The following RNF111 variants were observed in gnomAD, a reference collection of about 807,000 sequenced individuals.
The protein encoded by RNF111 is ring finger protein 111.
Under a neutral mutation model 95.1 loss-of-function variants are expected in RNF111, and 17 were observed. The ratio of observed to expected loss-of-function variants is 0.18; its 90% confidence interval spans 0.12 to 0.27. RNF111 has a LOEUF of 0.27. Ranked by LOEUF, RNF111 falls within the 10% of genes least tolerant of loss-of-function variation. The pLI is 1.00. For synonymous variants in RNF111, 440 were observed against 414.8 expected (o/e 1.06, Z -0.74); for missense variants, 1,189 against 1,210.4 (o/e 0.98, Z 0.26).
At position 59,055,992 on chromosome 15, in the gene RNF111, G is replaced by C. The variant is rs2042186325; in HGVS notation, c.1171+147G>C. On this transcript the variant is annotated intron_variant, in intron 4 of 13. Transcript: ENST00000348370. ...AGATTTTTTAATCTCGTTTTTAATT[G>C]ATATCCTAGGCTTGTAAATTTACAT... 13 of 608,918 alleles carry C rather than the reference G, an allele frequency of 2.1e-5. No homozygotes were observed. The South Asian group carries it at 4.2e-4, about 20-fold the overall frequency. 37.7% of individuals were successfully genotyped at this position (608,918 alleles called of 1,614,324 possible). A position where few individuals can be genotyped will look rare whatever the true frequency, so the allele number is the denominator to read the frequency against.
chr15:59,043,435 G>A (rs1161073170), intron 2 of RNF111, among the ~76,000 whole-genome samples: 1 of 152,174 alleles, frequency 6.6e-6, no homozygotes, highest in Non-Finnish European at 1.5e-5. Flanking sequence ...GGGCTTGCAG[G>A]TGTGAGCCAC....
At chr15:59,051,771 CAATAAATAAATAAATA>C (rs56358103) in intron 2 of RNF111, among the ~76,000 whole-genome samples, 46,128 of 149,796 alleles carry the variant, frequency 0.31, 7,099 homozygotes, top group East Asian at 0.42. Context: ...GAAACTGTCT[CAATAAATAAATAAATA>C]AATAAATAAA....
intron 1 of RNF111, among the ~76,000 whole-genome samples, chr15:59,006,073 T>TG (rs1422017031): frequency 6.6e-6 from 1 of 152,186 alleles, no homozygotes; most frequent in Non-Finnish European, 1.5e-5. Context: ...CCAGTAGGCG[T>TG]GGTCATTGTC....
At chr15:58,998,363 A>G (rs1188350095) in intron 1 of RNF111, among the ~76,000 whole-genome samples, 1 of 151,786 alleles carries the variant, frequency 6.6e-6, no homozygotes, top group Non-Finnish European at 1.5e-5. Flanking sequence ...TAAGCCTAGT[A>G]CCTGTTAGTT....
intron 13 of RNF111, among the ~76,000 whole-genome samples, chr15:59,094,311 T>C (rs1217379196): frequency 6.6e-6 from 1 of 152,210 alleles, no homozygotes; most frequent in Non-Finnish European, 1.5e-5. Context: ...GTGAGGAAAG[T>C]GTAGTTACTA....
chr15:59,050,291 T>C (rs2041922597), intron 2 of RNF111: 1 of 152,238 alleles, frequency 6.6e-6, no homozygotes, highest in Non-Finnish European at 1.5e-5. Context: ...TCTTGTAGAT[T>C]CCTGTGTCTG....
intron 1 of RNF111, among the ~76,000 whole-genome samples, chr15:58,988,817 C>A (rs543390705): frequency 6.6e-6 from 1 of 152,096 alleles, no homozygotes; most frequent in South Asian, 2.1e-4. Flanking sequence ...TTGTTGTAAG[C>A]TTTCCTGTTT....
chr15:59,017,212 TG>T (rs1430780715), intron 1 of RNF111, among the ~76,000 whole-genome samples: 1 of 151,696 alleles, frequency 6.6e-6, no homozygotes, highest in Non-Finnish European at 1.5e-5. Context: ...CCAAAAAGGT[TG>T]GAAACCGCTG....
At chr15:59,062,079 C>T (rs1205052459) in intron 5 of RNF111, among the ~76,000 whole-genome samples, 2 of 139,822 alleles carry the variant, frequency 1.4e-5, no homozygotes, top group Non-Finnish European at 3.0e-5. Flanking sequence ...TTCCCCGAGA[C>T]AGGGTCTTGC....
chr15:59,020,510 C>G (rs1360473783), intron 1 of RNF111, among the ~76,000 whole-genome samples: 2 of 152,128 alleles, frequency 1.3e-5, no homozygotes, highest in Non-Finnish European at 2.9e-5. Flanking sequence ...GTAATAATAA[C>G]AGAGTCATTG....
chr15:59,017,861 G>A (rs747151813), intron 1 of RNF111, among the ~76,000 whole-genome samples: 2 of 148,784 alleles, frequency 1.3e-5, no homozygotes, highest in Admixed American at 6.8e-5. Context: ...GGGTTCAAAC[G>A]ATTCTCCTGC....
At chr15:59,084,898 A>T (rs1341801893) in intron 9 of RNF111, among the ~76,000 whole-genome samples, 1 of 152,158 alleles carries the variant, frequency 6.6e-6, no homozygotes, top group Non-Finnish European at 1.5e-5. Flanking sequence ...GGTTACTACC[A>T]AAGTTGACTC....
At chr15:59,069,989 G>C (rs2042837365) in intron 6 of RNF111, among the ~76,000 whole-genome samples, 2 of 82,966 alleles carry the variant, frequency 2.4e-5, no homozygotes, top group African/African-American at 9.9e-5. Flanking sequence ...ACCCACCCCT[G>C]CCACACCATC....
chr15:58,993,108 T>C (rs2038891779), intron 1 of RNF111, among the ~76,000 whole-genome samples: 1 of 152,042 alleles, frequency 6.6e-6, no homozygotes, highest in African/African-American at 2.4e-5. Context: ...AGGCAGAGGT[T>C]GCAGTGAGCC....
At chr15:58,999,381 G>T (rs531298096) in intron 1 of RNF111, among the ~76,000 whole-genome samples, 2 of 152,194 alleles carry the variant, frequency 1.3e-5, no homozygotes, top group Non-Finnish European at 2.9e-5. Context: ...TGTCACCCAG[G>T]CTGGAGTGCA....
intron 3 of RNF111, among the ~76,000 whole-genome samples, chr15:59,055,280 A>C (rs965295438): frequency 6.6e-6 from 1 of 152,210 alleles, no homozygotes; most frequent in African/African-American, 2.4e-5. Flanking sequence ...ATGTTTTGCA[A>C]ATCTATCCTG....
At chr15:59,036,964 GGC>G (rs2041209200) in intron 2 of RNF111, among the ~76,000 whole-genome samples, 1 of 151,762 alleles carries the variant, frequency 6.6e-6, no homozygotes. Context: ...CCTAGTAGCT[GGC>G]ACAGCAGCAG....
intron 1 of RNF111, among the ~76,000 whole-genome samples, chr15:59,008,439 G>A (rs1179814634): frequency 1.3e-5 from 2 of 151,896 alleles, no homozygotes; most frequent in Non-Finnish European, 1.5e-5. Flanking sequence ...GGCTGGTCTC[G>A]ACTCCTGAGC....
In RNF111 at chr15:59,092,618, T is replaced by G. The variant is rs1464454723; in HGVS notation, c.2821T>G (p.Leu941Val). 4.3e-6 allele frequency: 7 copies of G among 1,611,536 alleles called. No homozygotes were observed. The highest frequency in any genetic ancestry group is 5.9e-6 in the Non-Finnish European group (7 of 1,178,430). ...AAAATGTACTATCTGTTTGTCTATT[T>G]TAGAGGAAGGTGAAGATGTGAGGTA... is the stretch of plus-strand genomic sequence containing the variant. Reference protein sequence around the residue: ...EEKCTICLSILEEGEDVRRLP... With the variant: ...EEKCTICLSIVEEGEDVRRLP... The change falls in exon 13 of 14, where the codon TTA (leucine) becomes GTA (valine). Residue 941 changes from leucine to valine, a missense_variant. Coordinates refer to ENST00000348370, the MANE Select transcript of RNF111 (RefSeq NM_017610.8).
Sources: allele counts gnomAD v4.1 joint callset (sites outside exome capture counted in the v4.1 genomes callset), GRCh38; gene constraint gnomAD v4.1.1; transcripts MANE v1.5; gene names NCBI Gene and HGNC (gene_info 2026-07-23, HGNC 2026-07-21).